IMPG2: variants seen among roughly 807,000 people sequenced by gnomAD.
IMPG2 encodes the protein interphotoreceptor matrix proteoglycan 2, also known as IPM 200.
Under a neutral mutation model 129.2 loss-of-function variants are expected in IMPG2, and 91 were observed. The ratio of observed to expected loss-of-function variants is 0.70; its 90% confidence interval spans 0.59 to 0.84. The LOEUF (loss-of-function observed/expected upper bound fraction) is 0.84, where lower values mean the gene tolerates loss of function less well. Among genes scored for constraint, IMPG2 ranks in the 40% least tolerant of loss-of-function variants. The pLI, the probability that IMPG2 is intolerant of heterozygous loss-of-function variation, is 0.00. For missense variants in IMPG2, 1,430 were observed against 1,461.7 expected, an observed-to-expected ratio of 0.98 and a Z score of 0.35; for synonymous variants, 510 against 517.7, an observed-to-expected ratio of 0.99 and a Z score of 0.20.
chr3:101,227,851 A>C (rs989377080), intron 18 of IMPG2: 2 of 456,280 alleles, frequency 4.4e-6, no homozygotes, highest in Non-Finnish European at 8.8e-6. Context: ...AACCACGAGC[A>C]AAGGAGCCAC....
In IMPG2 at chr3:101,244,620, A is replaced by G; in HGVS notation, c.1711T>C (p.Ser571Pro). 6.2e-7 allele frequency: 1 copy of G among 1,601,618 alleles called. No homozygotes were observed. Among genetic ancestry groups the G allele is most frequent in the African/African-American group, 1.3e-5 (1 of 74,402 alleles). ...LTSSIPFGLD[S>P]LTSKVKDQLK... ...TGGTCTTTGACTTTGGAGGTCAAGGAGTCCAAGCCAAAAGGTATAGAAGAG... is the reference window on the plus strand; with the variant it reads ...TGGTCTTTGACTTTGGAGGTCAAGGGGTCCAAGCCAAAAGGTATAGAAGAG... The change falls in exon 13 of 19, where the codon TCC (serine) becomes CCC (proline). Residue 571 changes from serine (S) to proline (P), a missense_variant. Coordinates refer to ENST00000193391, the MANE Select transcript of IMPG2 (RefSeq NM_016247.4).
In IMPG2 at chr3:101,319,773, G is replaced by C; in HGVS notation, c.145C>G (p.Leu49Val). 2 of 1,613,440 alleles carry C rather than the reference G, an allele frequency of 1.2e-6. No individual in the cohort carries two copies. Among genetic ancestry groups the C allele is most frequent in the Middle Eastern group, 1.7e-4 (1 of 6,058 alleles). ...QEPKSAVSFLLPEESTDLSLA... is the reference protein window; with the variant it reads ...QEPKSAVSFLVPEESTDLSLA... Reference sequence around the variant, plus strand: ...GAAAGGTCTGTTGATTCTTCAGGCAGGAGAAAAGAAACTGCACTCTTGGGT... The same window carrying C: ...GAAAGGTCTGTTGATTCTTCAGGCACGAGAAAAGAAACTGCACTCTTGGGT... The change falls in exon 2 of 19, where the codon CTG becomes GTG. Residue 49 changes from leucine (L) to valine (V), a missense_variant. Coordinates refer to ENST00000193391, the MANE Select transcript of IMPG2 (RefSeq NM_016247.4).
In IMPG2 at chr3:101,260,785, C is replaced by G. The variant is rs561117553; in HGVS notation, c.909-3012G>C. The stretch of plus-strand genomic sequence containing the variant: ...TTTTAACATGAAGACGTGGTTGGTG[C>G]TCATGTTCTATCTCCTCACCAACTA... On this transcript the variant is annotated intron_variant, in intron 9 of 18. Transcript: ENST00000193391. Among the ~76,000 whole-genome samples the G allele has an allele frequency of 3.7e-4, 56 of 152,304 alleles. 1 individual carries two copies. Among genetic ancestry groups the G allele is most frequent in the Admixed American group, 6.5e-4 (10 of 15,298 alleles).
Position 101,246,991 on chromosome 3 carries a change from G to T in IMPG2, c.1240-886C>A, listed in dbSNP as rs1475060978. On this transcript the variant is annotated intron_variant, in intron 11 of 18. Transcript: ENST00000193391. Reference sequence around the variant, plus strand: ...CACACCTGGAGTTCTAGCTACTTGGGAGACTGAGGGAGAAGGATCACTTGA... The same window carrying T: ...CACACCTGGAGTTCTAGCTACTTGGTAGACTGAGGGAGAAGGATCACTTGA... Among the ~76,000 whole-genome samples, 3 of 152,136 alleles carry T rather than the reference G, an allele frequency of 2.0e-5. No homozygotes were observed. The East Asian group carries it at 5.8e-4, about 29-fold the overall frequency.
At chr3:101,260,796 T>G (rs1277075380) in intron 9 of IMPG2, among the ~76,000 whole-genome samples, 2 of 152,160 alleles carry the variant, frequency 1.3e-5, no homozygotes, top group African/African-American at 4.8e-5. Context: ...TCATGTTCTA[T>G]CTCCTCACCA....
chr3:101,275,886 C>CTGT (rs1706835723), intron 5 of IMPG2, 141 bp from the exon 6 acceptor site: 3 of 691,570 alleles, frequency 4.3e-6, no homozygotes, highest in African/African-American at 1.8e-5. Flanking sequence ...TGCATTCTAA[C>CTGT]CTCAGGACAT....
Position 101,223,044 on chromosome 3 carries a change from T to C in IMPG2, c.*3925A>G, listed in dbSNP as rs1476781330. The C allele has an allele frequency of 6.6e-6, 1 of 152,232 alleles. No homozygotes were observed. The highest frequency in any genetic ancestry group is 2.4e-5 in the African/African-American group (1 of 41,460). 9.4% of individuals were successfully genotyped at this position (152,232 alleles called of 1,614,324 possible). On this transcript the variant is annotated 3_prime_UTR_variant, in exon 19 of 19. Coordinates refer to ENST00000193391, the MANE Select transcript of IMPG2 (RefSeq NM_016247.4). ...GGGGAGTGGTTTAACCTGTCTCTTA[T>C]TAACTCATAGCAGTAATGTAAGGTT...
At position 101,315,552 on chromosome 3, in the gene IMPG2, G is replaced by A. The variant is rs73863042; in HGVS notation, c.334+4032C>T. The stretch of plus-strand genomic sequence containing the variant: ...TCAGATAAGTGTATAAGGTGTATAC[G>A]AAACATAACTGAATTCTGTGTATAG... On this transcript the variant is annotated intron_variant, in intron 2 of 18. Coordinates refer to ENST00000193391, the MANE Select transcript of IMPG2 (RefSeq NM_016247.4). 9.8e-3 allele frequency among the ~76,000 whole-genome samples: 1,493 copies of A among 152,162 alleles called. 26 individuals carry two copies. The highest frequency in any genetic ancestry group is 0.034 in the African/African-American group (1,406 of 41,518).
At chr3:101,267,182 TG>T (rs1365765694) in intron 9 of IMPG2, among the ~76,000 whole-genome samples, 4 of 152,224 alleles carry the variant, frequency 2.6e-5, no homozygotes, top group Admixed American at 6.5e-5. Context: ...AACAATATTT[TG>T]TGACATGTGA....
At chr3:101,265,468 T>C (rs1373707986) in intron 9 of IMPG2, among the ~76,000 whole-genome samples, 1 of 152,094 alleles carries the variant, frequency 6.6e-6, no homozygotes, top group Non-Finnish European at 1.5e-5. Context: ...CTTCAATGAA[T>C]GGTGCTGGGA....
In IMPG2 at chr3:101,256,097, G is replaced by GGAAA. The variant is rs542912377; in HGVS notation, c.1153+1428_1153+1431dup. ...AAGAAAAGAAAAGAAAGAGAAAGAAGGAAAGAAAGAAAGAAAGAAAAAGAA... is the reference window on the plus strand; with the variant it reads ...AAGAAAAGAAAAGAAAGAGAAAGAAGGAAAGAAAGAAAGAAAGAAAGAAAAAGAA... On this transcript the variant is annotated intron_variant, in intron 10 of 18. Transcript: ENST00000193391. Among the ~76,000 whole-genome samples the GGAAA allele has an allele frequency of 8.2e-3, 861 of 104,678 alleles. 9 individuals carry two copies. The highest frequency in any genetic ancestry group is 0.043 in the Middle Eastern group (7 of 164). 68.7% of individuals were successfully genotyped at this position (104,678 alleles called of 152,430 possible).
At chr3:101,282,260 G>A (rs1442132178) in intron 4 of IMPG2, among the ~76,000 whole-genome samples, 1 of 152,102 alleles carries the variant, frequency 6.6e-6, no homozygotes, top group Non-Finnish European at 1.5e-5. Flanking sequence ...TATTCAAGCG[G>A]AGAAAGATAG....
intron 2 of IMPG2, among the ~76,000 whole-genome samples, chr3:101,313,716 C>T (rs1273949109): frequency 6.6e-6 from 1 of 151,628 alleles, no homozygotes; most frequent in African/African-American, 2.4e-5. Flanking sequence ...ATTGTGGAGC[C>T]CAAAGCATAT....
At position 101,244,092 on chromosome 3, in the gene IMPG2, T is replaced by C. The variant is rs895141150; in HGVS notation, c.2239A>G (p.Met747Val). 1 of 1,614,044 alleles carries C rather than the reference T, an allele frequency of 6.2e-7. No individual in the cohort carries two copies. Among genetic ancestry groups the C allele is most frequent in the South Asian group, 1.1e-5 (1 of 91,086 alleles). ...TTGGATGACTCAGTAATTTGTTCCA[T>C]ATCCTCCCTTAGGATGGCATCTGCC... The part of the protein sequence containing the change: ...DQADAILRED[M>V]EQITESSNYE... Residue 747 changes from methionine to valine, a missense_variant, in exon 13 of 19, where the codon ATG (methionine) becomes GTG (valine). Physicochemically the swap from Met to Val is conservative, Grantham distance 21. Coordinates refer to ENST00000193391, the MANE Select transcript of IMPG2 (RefSeq NM_016247.4).
At chr3:101,233,799 A>T (rs1002899588) in intron 14 of IMPG2, among the ~76,000 whole-genome samples, 3 of 152,176 alleles carry the variant, frequency 2.0e-5, no homozygotes, top group Admixed American at 2.0e-4. Context: ...CATTGAAAAT[A>T]GAGAAAACAG....
chr3:101,239,043 A>C (rs1706378366), intron 14 of IMPG2, among the ~76,000 whole-genome samples: 1 of 152,238 alleles, frequency 6.6e-6, no homozygotes, highest in African/African-American at 2.4e-5. Context: ...AGCAAACACC[A>C]AACACCAAAA....
At position 101,316,497 on chromosome 3, in the gene IMPG2, T is replaced by TA. The variant is rs1036176267; in HGVS notation, c.334+3086dup. 1.1e-4 allele frequency among the ~76,000 whole-genome samples: 16 copies of TA among 151,584 alleles called. No individual in the cohort carries two copies. In the South Asian group the frequency reaches 1.7e-3, roughly 16 times the overall value. On this transcript the variant is annotated intron_variant, in intron 2 of 18. Transcript: ENST00000193391. ...GATATATAAATGACAGATAATTATG[T>TA]AAAAAAAATGCTCAAAATTGTTAGT...
chr3:101,231,237 A>C (rs756288071), intron 15 of IMPG2, 92 bp from the exon 16 acceptor site: 45 of 1,201,458 alleles, frequency 3.7e-5, no homozygotes, highest in Non-Finnish European at 5.6e-5. Context: ...AGAGGAAAGT[A>C]GAGAAATAAA....
At position 101,228,777 on chromosome 3, in the gene IMPG2, G is replaced by A. The variant is rs768729314; in HGVS notation, c.3713+20C>T. On this transcript the variant is annotated intron_variant, in intron 18 of 18. Coordinates refer to ENST00000193391, the MANE Select transcript of IMPG2 (RefSeq NM_016247.4). Reference sequence around the variant, plus strand: ...TGTTAAGTCTGTAGGTCGGGGTGGGGGGCTGTTTCAAAAGCTTACACTTGT... The same window carrying A: ...TGTTAAGTCTGTAGGTCGGGGTGGGAGGCTGTTTCAAAAGCTTACACTTGT... 5 of 1,597,096 alleles carry A rather than the reference G, an allele frequency of 3.1e-6. No homozygotes were observed. The highest frequency in any genetic ancestry group is 4.3e-6 in the Non-Finnish European group (5 of 1,164,648).
Sources: allele counts gnomAD v4.1 joint callset (sites outside exome capture counted in the v4.1 genomes callset), GRCh38; gene constraint gnomAD v4.1.1; transcripts MANE v1.5; gene names NCBI Gene and HGNC (gene_info 2026-07-23, HGNC 2026-07-21).